The following ZNF407 variants were observed in gnomAD, a reference collection of about 807,000 sequenced individuals.
ZNF407 encodes the protein zinc finger protein 407.
Under a neutral mutation model 131.2 loss-of-function variants are expected in ZNF407, and 17 were observed. The ratio of observed to expected loss-of-function variants is 0.13; its 90% CI spans 0.09 to 0.19. The LOEUF is 0.19. Ranked by LOEUF, ZNF407 falls within the 10% of genes least tolerant of loss-of-function variation. ZNF407 has a pLI of 1.00. For missense variants in ZNF407, 2,681 were observed against 2,830.6 expected, an observed-to-expected ratio of 0.95 and a Z score of 1.20; for synonymous variants, 1,156 against 1,062.0, an observed-to-expected ratio of 1.09 and a Z score of -1.72.
intron 8 of ZNF407, among the ~76,000 whole-genome samples, chr18:74,970,940 T>A (rs1972465459): frequency 6.6e-6 from 1 of 152,218 alleles, no homozygotes; most frequent in African/African-American, 2.4e-5. Flanking sequence ...TTTCCATACA[T>A]CTTCTGAAAT....
chr18:74,676,873 A>G (rs1986416177), intron 3 of ZNF407, among the ~76,000 whole-genome samples: 1 of 152,156 alleles, frequency 6.6e-6, no homozygotes, highest in African/African-American at 2.4e-5. Flanking sequence ...TCCACAGTTT[A>G]GTAAAATGGA....
At chr18:74,999,905 G>T (rs1011475939) in intron 8 of ZNF407, among the ~76,000 whole-genome samples, 8 of 152,204 alleles carry the variant, frequency 5.3e-5, no homozygotes, top group South Asian at 2.1e-4. Context: ...TGAACAGCCA[G>T]TGGCTAACAT....
intron 4 of ZNF407, among the ~76,000 whole-genome samples, chr18:74,811,407 C>T (rs1387223414): frequency 1.3e-5 from 2 of 152,030 alleles, no homozygotes; most frequent in Non-Finnish European, 2.9e-5. Flanking sequence ...GAAATAGGAA[C>T]ACTTTTACAC....
intron 7 of ZNF407, among the ~76,000 whole-genome samples, chr18:74,903,034 T>G (rs1971550264): frequency 6.6e-6 from 1 of 152,198 alleles, no homozygotes; most frequent in Admixed American, 6.5e-5. Flanking sequence ...GCCCCACCTC[T>G]AATACCCTAG....
chr18:75,063,962 C>A lies in ZNF407; in HGVS notation c.6241C>A (p.Gln2081Lys). Residue 2081 changes from glutamine (Q) to lysine (K), a missense_variant, in exon 9 of 9, where the codon CAG becomes AAG. Around this residue, in one of 6 missense-constraint regions of ZNF407, gnomAD observed 620 missense variants for 583.1 expected, o/e 1.06. Transcript: ENST00000299687. The surrounding 1 kb of genome is among the most constrained non-coding windows in gnomAD (Gnocchi z 6.6). ...RAQVAFKKMV[Q>K]GVLQFAVCDT... ...ACAGGTGGCCTTCAAGAAGATGGTC[C>A]AGGGCGTCCTCCAGTTTGCTGTGTG... 4.3e-6 allele frequency: 7 copies of A among 1,613,656 alleles called. No homozygotes were observed. Among genetic ancestry groups the A allele is most frequent in the Non-Finnish European group, 5.9e-6 (7 of 1,179,838 alleles).
At chr18:74,680,505 C>G (rs1966958416) in intron 3 of ZNF407, among the ~76,000 whole-genome samples, 1 of 151,616 alleles carries the variant, frequency 6.6e-6, no homozygotes, top group Non-Finnish European at 1.5e-5. Context: ...CTGATAAACA[C>G]AAAGTTTTAG....
chr18:74,860,819 T>C (rs1486906917), intron 4 of ZNF407, among the ~76,000 whole-genome samples: 1 of 152,164 alleles, frequency 6.6e-6, no homozygotes, highest in African/African-American at 2.4e-5. Flanking sequence ...TTTAATGGAC[T>C]ATTGCAAAAA....
At chr18:74,932,146 T>C (rs1288574753) in intron 8 of ZNF407, among the ~76,000 whole-genome samples, 1 of 152,250 alleles carries the variant, frequency 6.6e-6, no homozygotes, top group Non-Finnish European at 1.5e-5. Context: ...TATTTTCTTC[T>C]AGAAGCTTTA....
intron 3 of ZNF407, among the ~76,000 whole-genome samples, chr18:74,756,346 T>C (rs994744933): frequency 6.6e-6 from 1 of 152,198 alleles, no homozygotes; most frequent in African/African-American, 2.4e-5. Flanking sequence ...TTTGGTAATA[T>C]TGGCAAAGGG....
chr18:74,786,114 C>T (rs566633337), intron 4 of ZNF407, among the ~76,000 whole-genome samples: 1 of 152,320 alleles, frequency 6.6e-6, no homozygotes, highest in Admixed American at 6.5e-5. Flanking sequence ...TGACTGACCT[C>T]CGACGTCACA....
intron 3 of ZNF407, among the ~76,000 whole-genome samples, chr18:74,686,056 G>A (rs1343731424): frequency 1.3e-5 from 2 of 152,160 alleles, no homozygotes; most frequent in African/African-American, 2.4e-5. Context: ...AATCAAATGC[G>A]TTACATATAG....
intron 3 of ZNF407, among the ~76,000 whole-genome samples, chr18:74,715,562 C>T (rs1228162997): frequency 6.6e-6 from 1 of 152,090 alleles, no homozygotes; most frequent in African/African-American, 2.4e-5. Context: ...GGAGGACAGC[C>T]ACAGAGTGTT....
chr18:74,825,612 A>T (rs991221724), intron 4 of ZNF407, among the ~76,000 whole-genome samples: 1 of 152,176 alleles, frequency 6.6e-6, no homozygotes, highest in Non-Finnish European at 1.5e-5. Flanking sequence ...AGGTGGTCAA[A>T]AATGTATGCC....
At chr18:74,915,550 C>T (rs2628105) in intron 7 of ZNF407, among the ~76,000 whole-genome samples, 6 of 107,614 alleles carry the variant, frequency 5.6e-5, no homozygotes, top group Admixed American at 2.3e-4. Context: ...TGGTTCGAAT[C>T]GGGAGTGTGT....
intron 4 of ZNF407, among the ~76,000 whole-genome samples, chr18:74,862,787 G>T (rs1231506445): frequency 6.6e-6 from 1 of 152,092 alleles, no homozygotes; most frequent in Non-Finnish European, 1.5e-5. Context: ...CATCCTGTTA[G>T]TCCCTGGTCA....
At chr18:74,855,377 TAAA>T (rs888574525) in intron 4 of ZNF407, among the ~76,000 whole-genome samples, 3 of 151,978 alleles carry the variant, frequency 2.0e-5, no homozygotes, top group Non-Finnish European at 4.4e-5. Context: ...AACGTATGTT[TAAA>T]ATTGTTTAAC....
rs370268070 is a variant in ZNF407 at position 74,758,937 on chromosome 18, C to A, written c.4803-22491C>A. On this transcript the variant is annotated intron_variant, in intron 3 of 8. Transcript: ENST00000299687. Reference sequence around the variant, plus strand: ...TACGTCATTACCTTTACTGGTCCTTCATTTCTTCATGTGAAAATGAGTTAG... The same window carrying A: ...TACGTCATTACCTTTACTGGTCCTTAATTTCTTCATGTGAAAATGAGTTAG... Among the ~76,000 whole-genome samples the A allele has an allele frequency of 2.1e-4, 32 of 152,338 alleles. No homozygotes were observed. In the East Asian group the frequency reaches 3.5e-3, roughly 17 times the overall value.
At chr18:74,948,211 C>T (rs1972175335) in intron 8 of ZNF407, among the ~76,000 whole-genome samples, 2 of 152,142 alleles carry the variant, frequency 1.3e-5, no homozygotes, top group African/African-American at 4.8e-5. Context: ...CTTTGTACAG[C>T]GATTGTCTTT....
chr18:74,900,035 G>T (rs141303210), intron 7 of ZNF407, among the ~76,000 whole-genome samples: 1 of 152,164 alleles, frequency 6.6e-6, no homozygotes, highest in East Asian at 1.9e-4. Context: ...ATTTGTTTGC[G>T]TAAAATCACT....
Sources: allele counts gnomAD v4.1 joint callset (sites outside exome capture counted in the v4.1 genomes callset), GRCh38; gene constraint gnomAD v4.1.1; regional missense constraint gnomAD v4.1.1; non-coding constraint Gnocchi (gnomAD v3.1); transcripts MANE v1.5; gene names NCBI Gene and HGNC (gene_info 2026-07-23, HGNC 2026-07-21).